Variants in C20orf144 observed in about 807,000 individuals in gnomAD.
C20orf144 encodes the protein uncharacterized protein C20orf144.
In C20orf144, 8 loss-of-function variants were observed where a neutral mutation model predicts 3.8. That is an observed-to-expected ratio of 2.11 (90% confidence interval 1.24 to 3.80). The LOEUF (loss-of-function observed/expected upper bound fraction) is 3.80, where lower values mean the gene tolerates loss of function less well. C20orf144 is among the 30% of genes most tolerant of loss of function. The pLI, the probability that C20orf144 is intolerant of heterozygous loss-of-function variation, is 0.00. For missense variants in C20orf144, 289 were observed against 224.5 expected, an observed-to-expected ratio of 1.29 and a Z score of -1.83; for synonymous variants, 126 against 104.1, an observed-to-expected ratio of 1.21 and a Z score of -1.28.
Position 33,663,851 on chromosome 20 carries a change from C to G in C20orf144, c.446C>G (p.Pro149Arg), listed in dbSNP as rs2017574263. The G allele has an allele frequency of 1.4e-6, 2 of 1,404,304 alleles. No homozygotes were observed. The highest frequency in any genetic ancestry group is 1.5e-5 in the South Asian group (1 of 65,094). 87.0% of individuals were successfully genotyped at this position (1,404,304 alleles called of 1,614,324 possible). A position where few individuals can be genotyped will look rare whatever the true frequency, so the allele number is the denominator to read the frequency against. Reference sequence around the variant, plus strand: ...CAGCCGCGCAAACGGTGCCGCTGCCCTCGCCCGCAGCTTTAAACGCTTGGC... The same window carrying G: ...CAGCCGCGCAAACGGTGCCGCTGCCGTCGCCCGCAGCTTTAAACGCTTGGC... ...EEQPRKRCRC[P>R]RPQL is the part of the protein sequence containing the mutation. Residue 149 changes from proline to arginine, a missense_variant, in exon 2 of 2, where the codon CCT (proline) becomes CGT (arginine). Physicochemically the swap from Pro to Arg is moderately radical, Grantham distance 103. Transcript: ENST00000375222.
At chr20:33,662,577 A>G (rs2017514717) in intron 1 of C20orf144, 106 bp downstream of exon 1, 1 of 1,308,198 alleles carries the variant, frequency 7.6e-7, no homozygotes, top group Middle Eastern at 2.5e-4. Flanking sequence ...TTGTATGCAG[A>G]AGTCCTAGGG....
At chr20:33,663,398 C>A in intron 1 of C20orf144, 134 bp from the exon 2 acceptor site, 3 of 972,850 alleles carry the variant, frequency 3.1e-6, no homozygotes, top group South Asian at 3.3e-5. Flanking sequence ...GCCCTGTGCA[C>A]GAGAGGATGA....
intron 1 of C20orf144, 106 bp from the exon 2 acceptor site, chr20:33,663,426 A>G: frequency 8.0e-7 from 1 of 1,245,446 alleles, no homozygotes; most frequent in Non-Finnish European, 1.1e-6. Flanking sequence ...CGGGTGGACG[A>G]CAGGACCCGG....
In C20orf144 at chr20:33,663,732, G is replaced by A. The variant is rs955633227; in HGVS notation, c.327G>A (p.Glu109=). The A allele has an allele frequency of 5.9e-5, 90 of 1,531,994 alleles. No individual in the cohort carries two copies. Among genetic ancestry groups the A allele is most frequent in the Admixed American group, 2.4e-4 (12 of 50,912 alleles). The allele number at this position is 1,531,994 out of a possible 1,614,324, so 94.9% of individuals were successfully genotyped here. ...GGCAAGAGGCGCGGCGGCCGGAAGA[G>A]GGCGGGGCCAGGGCAGCTCTGAGCT... ...LRRQEARRPE[E]GGARAALSWP... The change falls in exon 2 of 2, where the codon GAG becomes GAA. Residue 109 remains glutamate (E), a synonymous_variant. Coordinates refer to ENST00000375222, the MANE Select transcript of C20orf144 (RefSeq NM_080825.4).
chr20:33,663,241 G>T, intron 1 of C20orf144: 1 of 504,144 alleles, frequency 2.0e-6, no homozygotes, highest in Middle Eastern at 5.1e-4. Context: ...ATAGGGCCTG[G>T]AAGGGATCTC....
chr20:33,663,414 C>A, intron 1 of C20orf144, 118 bp from the exon 2 acceptor site: 2 of 1,103,478 alleles, frequency 1.8e-6, no homozygotes, highest in Non-Finnish European at 2.5e-6. Context: ...GATGACAGGA[C>A]CCGGGTGGAC....
chr20:33,663,435 G>C, intron 1 of C20orf144, 97 bp from the exon 2 acceptor site: 1 of 1,324,536 alleles, frequency 7.5e-7, no homozygotes. Flanking sequence ...GACAGGACCC[G>C]GGTGGACGAG....
intron 1 of C20orf144, 26 bp from the exon 2 acceptor site, chr20:33,663,506 G>A (rs1259906511): frequency 3.1e-6 from 5 of 1,596,746 alleles, no homozygotes; most frequent in East Asian, 2.3e-5. Context: ...GCGCTCTCCC[G>A]CCTCACGCCC....
At chr20:33,663,377 G>A (rs1255209518) in intron 1 of C20orf144, 155 bp from the exon 2 acceptor site, 2 of 775,654 alleles carry the variant, frequency 2.6e-6, no homozygotes, top group South Asian at 1.9e-5. Context: ...ATTGGACAGG[G>A]GTCCCCTCCA....
chr20:33,663,202 G>C (rs1267145748), intron 1 of C20orf144, among the ~76,000 whole-genome samples: 1 of 152,240 alleles, frequency 6.6e-6, no homozygotes, highest in African/African-American at 2.4e-5. Context: ...TGGACCAGGC[G>C]GGGGTGGGAG....
At position 33,663,716 on chromosome 20, in the gene C20orf144, C is replaced by A; in HGVS notation, c.311C>A (p.Ala104Glu). The change falls in exon 2 of 2, where the codon GCG becomes GAG. Residue 104 changes from alanine (A) to glutamate (E), a missense_variant. Transcript: ENST00000375222. ...PVLLLLRRQE[A>E]RRPEEGGARA... is the part of the protein sequence containing the mutation. The stretch of plus-strand genomic sequence containing the variant: ...CTGCTGCTGCTGCGGCGGCAAGAGG[C>A]GCGGCGGCCGGAAGAGGGCGGGGCC... The A allele has an allele frequency of 2.0e-6, 3 of 1,525,208 alleles. No homozygotes were observed. The highest frequency in any genetic ancestry group is 2.6e-6 in the Non-Finnish European group (3 of 1,151,274). 94.5% of individuals were successfully genotyped at this position (1,525,208 alleles called of 1,614,324 possible). A position where few individuals can be genotyped will look rare whatever the true frequency, so the allele number is the denominator to read the frequency against.
chr20:33,663,499 C>T, intron 1 of C20orf144, 33 bp from the exon 2 acceptor site: 7 of 1,591,158 alleles, frequency 4.4e-6, no homozygotes, highest in Non-Finnish European at 6.0e-6. Flanking sequence ...CCCTAGCGCG[C>T]TCTCCCGCCT....
intron 1 of C20orf144, 51 bp downstream of exon 1, chr20:33,662,522 G>C: frequency 6.5e-7 from 1 of 1,540,140 alleles, no homozygotes. Context: ...GGGGGGCAGA[G>C]AAAGCTGGAC....
intron 1 of C20orf144, 88 bp from the exon 2 acceptor site, chr20:33,663,444 A>G: frequency 7.2e-7 from 1 of 1,397,698 alleles, no homozygotes; most frequent in South Asian, 1.3e-5. Context: ...CGGGTGGACG[A>G]GGGTCCCAGG....
Position 33,663,695 on chromosome 20 carries a change from T to A in C20orf144, c.290T>A (p.Leu97Gln), listed in dbSNP as rs893833767. The A allele has an allele frequency of 1.9e-6, 3 of 1,574,172 alleles. No homozygotes were observed. Among genetic ancestry groups the A allele is most frequent in the Non-Finnish European group, 1.7e-6 (2 of 1,166,866 alleles). The change falls in exon 2 of 2, where the codon CTG becomes CAG. Residue 97 changes from leucine (L) to glutamine (Q), a missense_variant. Transcript: ENST00000375222. Reference sequence around the variant, plus strand: ...CGCGAGCCGAGGATGCCGGTACTGCTGCTGCTGCGGCGGCAAGAGGCGCGG... The same window carrying A: ...CGCGAGCCGAGGATGCCGGTACTGCAGCTGCTGCGGCGGCAAGAGGCGCGG... ...SEREPRMPVL[L>Q]LLRRQEARRP... is the part of the protein sequence containing the mutation.
chr20:33,663,437 G>T, intron 1 of C20orf144, 95 bp from the exon 2 acceptor site: 1 of 1,345,978 alleles, frequency 7.4e-7, no homozygotes, highest in South Asian at 1.3e-5. Flanking sequence ...CAGGACCCGG[G>T]TGGACGAGGG....
rs143664136 is a variant in C20orf144, at chr20:33,663,701, TGCGGCGGCAAGAGGC to T, written c.305_319del (p.Gln102_Arg106del). ...CCGAGGATGCCGGTACTGCTGCTGC[TGCGGCGGCAAGAGGC>T]GCGGCGGCCGGAAGAGGGCGGGGCC... On this transcript the variant is annotated inframe_deletion, in exon 2 of 2. Coordinates refer to ENST00000375222, the MANE Select transcript of C20orf144 (RefSeq NM_080825.4). 6.3e-3 allele frequency: 9,835 copies of T among 1,566,396 alleles called. 490 individuals are homozygous for T. In the African/African-American group the frequency reaches 0.12, roughly 19 times the overall value.
Position 33,662,430 on chromosome 20 carries a change from T to G in C20orf144, c.85T>G (p.Trp29Gly). The change falls in exon 1 of 2, where the codon TGG becomes GGG. Residue 29 changes from tryptophan to glycine, a missense_variant. Coordinates refer to ENST00000375222, the MANE Select transcript of C20orf144 (RefSeq NM_080825.4). The stretch of plus-strand genomic sequence containing the variant: ...GCCGGCTGACATGGACAAGGCCTGG[T>G]GGAAATCGTTCCTCAACCACCTCAC... ...ERPADMDKAW[W>G]KSFLNHLTRK... 1 of 1,551,576 alleles carries G rather than the reference T, an allele frequency of 6.4e-7. No individual in the cohort carries two copies. Among genetic ancestry groups the G allele is most frequent in the Non-Finnish European group, 8.7e-7 (1 of 1,147,256 alleles).
intron 1 of C20orf144, chr20:33,662,687 C>G: frequency 1.8e-6 from 1 of 557,834 alleles, no homozygotes; most frequent in East Asian, 3.2e-5. Flanking sequence ...CGCCTGTAAT[C>G]CCAACACGTT....
Sources: allele counts gnomAD v4.1 joint callset (sites outside exome capture counted in the v4.1 genomes callset), GRCh38; gene constraint gnomAD v4.1.1; transcripts MANE v1.5; gene names NCBI Gene and HGNC (gene_info 2026-07-23, HGNC 2026-07-21).